The following ARHGAP26 variants were observed in gnomAD, a reference collection of about 807,000 sequenced individuals.
The protein encoded by ARHGAP26 is rho GTPase-activating protein 26.
A neutral mutation model predicts 104.8 loss-of-function variants in ARHGAP26; 38 were observed. That is an observed-to-expected ratio of 0.36 (90% CI 0.28 to 0.48). ARHGAP26 has a LOEUF of 0.48. Ranked by LOEUF, ARHGAP26 falls within the 20% of genes least tolerant of loss-of-function variation. ARHGAP26 has a pLI of 0.99. For missense variants in ARHGAP26, 704 were observed against 947.9 expected, an observed-to-expected ratio of 0.74 and a Z score of 3.38; for synonymous variants, 341 against 340.0, an observed-to-expected ratio of 1.00 and a Z score of -0.03.
chr5:143,002,908 A>G (rs1177230819), intron 11 of ARHGAP26, among the ~76,000 whole-genome samples: 2 of 152,222 alleles, frequency 1.3e-5, no homozygotes, highest in Non-Finnish European at 2.9e-5. Flanking sequence ...CCCAAAATAC[A>G]GTAGTTCCTT....
intron 1 of ARHGAP26, among the ~76,000 whole-genome samples, chr5:142,839,727 TTTTTA>T (rs1770369668): frequency 1.3e-5 from 2 of 152,004 alleles, no homozygotes; most frequent in African/African-American, 4.8e-5. Context: ...AAAGGGAAAG[TTTTTA>T]TTTTCATTCT....
chr5:142,819,899 CCAGGGTT>C (rs1158667431), intron 1 of ARHGAP26, among the ~76,000 whole-genome samples: 5 of 151,920 alleles, frequency 3.3e-5, no homozygotes. Flanking sequence ...GTTGCATACA[CCAGGGTT>C]CTTACCTGTG....
chr5:143,110,830 C>T (rs1204161503), intron 17 of ARHGAP26, among the ~76,000 whole-genome samples: 1 of 152,182 alleles, frequency 6.6e-6, no homozygotes, highest in Non-Finnish European at 1.5e-5. Context: ...CCCATCTGCA[C>T]CCTGTGGACT....
chr5:142,840,426 T>G (rs920685812), intron 1 of ARHGAP26, among the ~76,000 whole-genome samples: 21 of 152,168 alleles, frequency 1.4e-4, no homozygotes, highest in Non-Finnish European at 2.8e-4. Flanking sequence ...ATAATCACTG[T>G]TTTTGTTGTT....
At chr5:143,141,057 G>A (rs746940868) in intron 19 of ARHGAP26, among the ~76,000 whole-genome samples, 8 of 152,264 alleles carry the variant, frequency 5.3e-5, no homozygotes, top group Admixed American at 4.6e-4. Context: ...GGGCACACCT[G>A]TTTGCTTTGG....
At chr5:143,012,650 AT>A in intron 11 of ARHGAP26, among the ~76,000 whole-genome samples, 1 of 135,456 alleles carries the variant, frequency 7.4e-6, no homozygotes, top group Non-Finnish European at 1.6e-5. Context: ...GGGTTCTATG[AT>A]TTTTTTTCAT....
At chr5:143,173,799 A>G (rs979481617) in intron 20 of ARHGAP26, among the ~76,000 whole-genome samples, 1 of 152,136 alleles carries the variant, frequency 6.6e-6, no homozygotes, top group Non-Finnish European at 1.5e-5. Flanking sequence ...TGGAAGGGAG[A>G]GGTGACCTTG....
At chr5:142,919,284 A>G (rs2152499888) in intron 10 of ARHGAP26, 1 of 398,634 alleles carries the variant, frequency 2.5e-6, no homozygotes, top group Non-Finnish European at 4.4e-6. Context: ...AGTCGAGGTG[A>G]TGCACCTACA....
rs572430393 is a variant in ARHGAP26, at chr5:143,049,845, C to T, written c.1286-4594C>T. ...GTCCTGGGAGAAGCCGGATTTACTC[C>T]TGGATAATCTGAAGCATGCTGTGGT... On this transcript the variant is annotated intron_variant, in intron 14 of 22. Coordinates refer to ENST00000645722, the MANE Select transcript of ARHGAP26 (RefSeq NM_001135608.3). Among the ~76,000 whole-genome samples the T allele has an allele frequency of 2.0e-5, 3 of 152,292 alleles. No homozygotes were observed. The South Asian group carries it at 6.2e-4, about 32-fold the overall frequency.
chr5:143,088,551 G>A (rs183008687), intron 17 of ARHGAP26, among the ~76,000 whole-genome samples: 6 of 152,188 alleles, frequency 3.9e-5, no homozygotes, highest in African/African-American at 1.4e-4. Context: ...GAAGCAGAAA[G>A]AACCCAAGAT....
At chr5:142,939,805 A>C (rs553649182) in intron 11 of ARHGAP26, among the ~76,000 whole-genome samples, 1 of 152,242 alleles carries the variant, frequency 6.6e-6, no homozygotes, top group Non-Finnish European at 1.5e-5. Flanking sequence ...CCCCTACCTC[A>C]TAAGAGTGCT....
At chr5:142,826,612 C>T (rs934810641) in intron 1 of ARHGAP26, among the ~76,000 whole-genome samples, 1 of 152,192 alleles carries the variant, frequency 6.6e-6, no homozygotes, top group Non-Finnish European at 1.5e-5. Flanking sequence ...GACTTGTCGC[C>T]ACACCATGTT....
At chr5:143,101,869 T>C (rs987553874) in intron 17 of ARHGAP26, among the ~76,000 whole-genome samples, 10 of 152,044 alleles carry the variant, frequency 6.6e-5, no homozygotes, top group Non-Finnish European at 1.3e-4. Flanking sequence ...TTTTTTTTTT[T>C]TTCTTCCATA....
At chr5:142,923,992 G>A (rs868068485) in intron 10 of ARHGAP26, among the ~76,000 whole-genome samples, 1 of 151,118 alleles carries the variant, frequency 6.6e-6, no homozygotes, top group Non-Finnish European at 1.5e-5. Flanking sequence ...CTCCCAAGTA[G>A]CTGGGACTAC....
intron 14 of ARHGAP26, 106 bp from the exon 15 acceptor site, chr5:143,054,333 A>T: frequency 1.5e-6 from 1 of 652,936 alleles, no homozygotes; most frequent in Non-Finnish European, 2.5e-6. Flanking sequence ...TTTTTGTTTT[A>T]CTTTGCATTT....
chr5:143,014,523 AG>A (rs11313040), intron 12 of ARHGAP26: 34,748 of 183,494 alleles, frequency 0.19, 3,902 homozygotes, highest in East Asian at 0.47. Flanking sequence ...TCTCGCTCAA[AG>A]GACTGGAGAG....
chr5:142,894,382 A>G (rs37216), intron 6 of ARHGAP26, 34 bp downstream of exon 6: 46,669 of 1,571,178 alleles, frequency 0.03, 3,391 homozygotes, highest in East Asian at 0.28. Flanking sequence ...TGATGTACCC[A>G]TATATTCATC....
At chr5:143,057,500 G>C in intron 16 of ARHGAP26, 142 bp from the exon 17 acceptor site, 1 of 684,674 alleles carries the variant, frequency 1.5e-6, no homozygotes, top group Non-Finnish European at 2.5e-6. Flanking sequence ...TGGCCACGCA[G>C]TATGCACACA....
intron 10 of ARHGAP26, among the ~76,000 whole-genome samples, chr5:142,923,928 C>A (rs1554155931): frequency 7.4e-6 from 1 of 134,944 alleles, no homozygotes; most frequent in Non-Finnish European, 1.5e-5. Context: ...GTGGCGCAAT[C>A]TCCGCTCACT....
Sources: gnomAD v4.1 joint callset for allele counts (sites outside exome capture counted in the v4.1 genomes callset) on GRCh38, gnomAD v4.1.1 for gene constraint, MANE v1.5 for transcripts, NCBI Gene and HGNC (gene_info 2026-07-23, HGNC 2026-07-21) for gene names.